Variants in GRIP1 observed in about 807,000 individuals in gnomAD.
The protein encoded by GRIP1 is glutamate receptor interacting protein 1, also known as glutamate receptor-interacting protein 1.
A neutral mutation model predicts 129.9 loss-of-function variants in GRIP1; 45 were observed. The observed-to-expected ratio is 0.35, with a 90% CI of 0.27 to 0.44. The LOEUF (loss-of-function observed/expected upper bound fraction) is 0.44, where lower values mean the gene tolerates loss of function less well. GRIP1 is among the 20% of genes least tolerant of loss of function. The pLI is 1.00. For synonymous variants in GRIP1, 530 were observed against 520.8 expected (o/e 1.02, Z -0.24); for missense variants, 1,196 against 1,396.8 (o/e 0.86, Z 2.29).
chr12:66,965,518 A>G (rs1241543981), intron 1 of GRIP1, among the ~76,000 whole-genome samples: 2 of 149,700 alleles, frequency 1.3e-5, no homozygotes, highest in Non-Finnish European at 3.0e-5. Context: ...TAATTTTTCT[A>G]CATGCTTCTT....
At chr12:66,906,040 T>C (rs183919249) in intron 1 of GRIP1, among the ~76,000 whole-genome samples, 2 of 152,258 alleles carry the variant, frequency 1.3e-5, no homozygotes, top group African/African-American at 2.4e-5. Context: ...GGATGCTCAA[T>C]TGAAAATCTG....
At chr12:66,932,427 A>G (rs1381104783) in intron 1 of GRIP1, among the ~76,000 whole-genome samples, 1 of 152,172 alleles carries the variant, frequency 6.6e-6, no homozygotes, top group Non-Finnish European at 1.5e-5. Flanking sequence ...AATCATCATG[A>G]TCATACACCA....
intron 19 of GRIP1, among the ~76,000 whole-genome samples, chr12:66,389,878 G>A (rs1163216812): frequency 6.6e-6 from 1 of 152,202 alleles, no homozygotes; most frequent in Non-Finnish European, 1.5e-5. Flanking sequence ...ATACTCGTCA[G>A]TAAATTATAG....
chr12:66,423,789 G>A (rs936895346), intron 14 of GRIP1, among the ~76,000 whole-genome samples: 2 of 152,156 alleles, frequency 1.3e-5, no homozygotes, highest in Non-Finnish European at 2.9e-5. Context: ...TGGGGATGGG[G>A]AAGGATACTG....
At chr12:66,570,090 G>A (rs1163523730) in intron 2 of GRIP1, among the ~76,000 whole-genome samples, 1 of 143,122 alleles carries the variant, frequency 7.0e-6, no homozygotes, top group African/African-American at 2.6e-5. Context: ...TTGGGGGGTA[G>A]TTTGTAGGCA....
chr12:66,634,328 T>C (rs1280263301), intron 1 of GRIP1, among the ~76,000 whole-genome samples: 2 of 152,204 alleles, frequency 1.3e-5, no homozygotes. Context: ...AAAAGATACA[T>C]ATAAATTTTG....
intron 1 of GRIP1, among the ~76,000 whole-genome samples, chr12:66,762,024 A>G (rs1324399688): frequency 6.6e-6 from 1 of 152,200 alleles, no homozygotes; most frequent in Non-Finnish European, 1.5e-5. Context: ...CCTATCCCTC[A>G]GAGTTATTAA....
chr12:67,004,096 T>C (rs747663717), intron 1 of GRIP1, among the ~76,000 whole-genome samples: 2 of 152,210 alleles, frequency 1.3e-5, no homozygotes, highest in African/African-American at 4.8e-5. Context: ...TACCTGGTAG[T>C]CCAGGGTAAT....
intron 1 of GRIP1, among the ~76,000 whole-genome samples, chr12:66,975,207 C>G (rs1483675579): frequency 1.3e-5 from 2 of 152,190 alleles, no homozygotes; most frequent in Non-Finnish European, 2.9e-5. Context: ...AATGAAAACA[C>G]CTCTTGCCAA....
At chr12:66,674,928 G>A (rs7310363) in intron 1 of GRIP1, among the ~76,000 whole-genome samples, 2,263 of 152,298 alleles carry the variant, frequency 0.015, 47 homozygotes, top group South Asian at 0.086. Flanking sequence ...GCAGGGAGCA[G>A]TTCCCTGCCA....
chr12:66,775,271 C>A (rs1566016036), intron 1 of GRIP1, among the ~76,000 whole-genome samples: 2 of 152,082 alleles, frequency 1.3e-5, no homozygotes, highest in Admixed American at 6.5e-5. Flanking sequence ...GGGGTTGGGA[C>A]AATTAAGAAT....
intron 1 of GRIP1, among the ~76,000 whole-genome samples, chr12:66,695,477 C>T (rs2035124777): frequency 6.6e-6 from 1 of 152,112 alleles, no homozygotes; most frequent in South Asian, 2.1e-4. Flanking sequence ...GGCTCCACTC[C>T]TCCTCTTGGC....
At chr12:66,558,019 T>A (rs538290935) in intron 2 of GRIP1, among the ~76,000 whole-genome samples, 31 of 152,284 alleles carry the variant, frequency 2.0e-4, no homozygotes, top group African/African-American at 6.5e-4. Flanking sequence ...AAGTTGTTTC[T>A]TTTCTTTAAA....
At chr12:66,421,998 C>T (rs2057818257) in intron 14 of GRIP1, among the ~76,000 whole-genome samples, 2 of 152,056 alleles carry the variant, frequency 1.3e-5, no homozygotes, top group Admixed American at 6.6e-5. Flanking sequence ...CAATTTGCCT[C>T]CAAGAGGAGA....
At chr12:66,520,597 C>G (rs1461069209) in intron 5 of GRIP1, among the ~76,000 whole-genome samples, 2 of 152,194 alleles carry the variant, frequency 1.3e-5, no homozygotes, top group East Asian at 3.8e-4. Context: ...AGGCAGTATT[C>G]TAAGCTCACA....
At chr12:66,509,285 C>A (rs540183354) in intron 7 of GRIP1, among the ~76,000 whole-genome samples, 3 of 152,286 alleles carry the variant, frequency 2.0e-5, no homozygotes, top group African/African-American at 7.2e-5. Context: ...TTGGTATTCA[C>A]TAACAGTTTG....
At chr12:66,500,254 G>GT (rs1392525940) in intron 7 of GRIP1, among the ~76,000 whole-genome samples, 1 of 152,168 alleles carries the variant, frequency 6.6e-6, no homozygotes, top group Non-Finnish European at 1.5e-5. Context: ...CACACATCCA[G>GT]TAAGTTGCAG....
chr12:66,718,389 T>C (rs1477711289), intron 1 of GRIP1, among the ~76,000 whole-genome samples: 1 of 152,198 alleles, frequency 6.6e-6, no homozygotes, highest in Non-Finnish European at 1.5e-5. Context: ...ATTTCAAAAA[T>C]AATAATAACT....
At chr12:66,537,534 A>ATATATG (rs2061642680) in intron 4 of GRIP1, among the ~76,000 whole-genome samples, 1 of 151,470 alleles carries the variant, frequency 6.6e-6, no homozygotes, top group South Asian at 2.1e-4. Flanking sequence ...ATATATATAT[A>ATATATG]TGTATACCTA....
Sources: allele counts gnomAD v4.1 joint callset (sites outside exome capture counted in the v4.1 genomes callset), GRCh38; gene constraint gnomAD v4.1.1; transcripts MANE v1.5; gene names NCBI Gene and HGNC (gene_info 2026-07-23, HGNC 2026-07-21).